The following MAEL variants were observed in gnomAD, a reference collection of about 807,000 sequenced individuals.
The protein encoded by MAEL is protein maelstrom homolog.
Under a neutral mutation model 62.0 loss-of-function variants are expected in MAEL, and 46 were observed. The ratio of observed to expected loss-of-function variants is 0.74; its 90% CI spans 0.59 to 0.95. The LOEUF is 0.95. Ranked by LOEUF, MAEL falls within the 40% of genes least tolerant of loss-of-function variation. The pLI is 0.00. For synonymous variants in MAEL, 172 were observed against 175.5 expected, an observed-to-expected ratio of 0.98 and a Z score of 0.16; for missense variants, 497 against 526.8, an observed-to-expected ratio of 0.94 and a Z score of 0.55.
Position 167,017,909 on chromosome 1 carries a change from A to G in MAEL, c.991A>G (p.Ser331Gly), listed in dbSNP as rs1353876396. Residue 331 changes from serine (S) to glycine (G), a missense_variant, in exon 10 of 12, where the codon AGC becomes GGC. Transcript: ENST00000367872. The stretch of plus-strand genomic sequence containing the variant: ...TGTACCACTACAAGATTATGAGGCC[A>G]GCAATAGTGTGACACCCAAAATGGT... ...AHVPLQDYEASNSVTPKMVVL... is the reference protein window; with the variant it reads ...AHVPLQDYEAGNSVTPKMVVL... The G allele has an allele frequency of 9.3e-6, 15 of 1,613,480 alleles. No individual in the cohort carries two copies. The highest frequency in any genetic ancestry group is 1.3e-5 in the Non-Finnish European group (15 of 1,179,610).
chr1:166,999,709 A>G (rs1212603485), intron 5 of MAEL, among the ~76,000 whole-genome samples: 1 of 152,236 alleles, frequency 6.6e-6, no homozygotes, highest in African/African-American at 2.4e-5. Context: ...GGAGTTTCAT[A>G]GCTAGAGAGG....
intron 11 of MAEL, 27 bp downstream of exon 11, chr1:167,021,187 G>C: frequency 6.6e-7 from 1 of 1,504,936 alleles, no homozygotes; most frequent in African/African-American, 1.4e-5. Flanking sequence ...TTACAAAAAT[G>C]CACCTAAAGG....
upstream of MAEL, among the ~76,000 whole-genome samples, chr1:166,985,563 T>C (rs751774979): frequency 2.0e-5 from 3 of 152,214 alleles, no homozygotes; most frequent in Non-Finnish European, 4.4e-5. Context: ...AAAGATGTTA[T>C]ATCAGTAGAG....
At chr1:167,013,232 A>T (rs1665243289) in intron 8 of MAEL, among the ~76,000 whole-genome samples, 1 of 152,172 alleles carries the variant, frequency 6.6e-6, no homozygotes, top group Admixed American at 6.5e-5. Flanking sequence ...GGCACTGAAG[A>T]TACAGTACAG....
intron 9 of MAEL, among the ~76,000 whole-genome samples, chr1:167,016,561 A>G (rs1665396230): frequency 6.6e-6 from 1 of 152,170 alleles, no homozygotes; most frequent in African/African-American, 2.4e-5. Flanking sequence ...TATAACCACT[A>G]TGGGGAACAG....
chr1:166,981,675 A>G (rs940979890), intron 1 of MAEL, among the ~76,000 whole-genome samples: 1 of 152,230 alleles, frequency 6.6e-6, no homozygotes, highest in Admixed American at 6.5e-5. Flanking sequence ...TCATCTGGAC[A>G]GAATTTCTAG....
At chr1:166,982,084 G>A (rs1557967700) in intron 1 of MAEL, among the ~76,000 whole-genome samples, 1 of 152,094 alleles carries the variant, frequency 6.6e-6, no homozygotes. Flanking sequence ...GACATTGCAA[G>A]GAGTCACAAG....
At chr1:166,992,939 T>C (rs149447579) in intron 4 of MAEL, 98 bp downstream of exon 4, 14 of 965,602 alleles carry the variant, frequency 1.4e-5, no homozygotes, top group East Asian at 2.8e-5. Context: ...TACAAGCTCA[T>C]GTACAGCTGT....
At chr1:166,987,749 T>C (rs1324948914), upstream of MAEL, among the ~76,000 whole-genome samples, 1 of 152,218 alleles carries the variant, frequency 6.6e-6, no homozygotes, top group African/African-American at 2.4e-5. Flanking sequence ...ACAAAAGATA[T>C]TGAAATGGTA....
At chr1:166,982,271 G>A (rs538837951) in intron 1 of MAEL, among the ~76,000 whole-genome samples, 1 of 152,304 alleles carries the variant, frequency 6.6e-6, no homozygotes, top group African/African-American at 2.4e-5. Context: ...AGATTGGAAT[G>A]AGTGTTAACT....
At chr1:166,997,526 T>C (rs1012102074) in intron 5 of MAEL, among the ~76,000 whole-genome samples, 1 of 152,150 alleles carries the variant, frequency 6.6e-6, no homozygotes, top group Non-Finnish European at 1.5e-5. Context: ...GAACAGACTT[T>C]TTAAACATTT....
At chr1:167,007,743 A>G (rs1664990511) in intron 8 of MAEL, among the ~76,000 whole-genome samples, 1 of 152,078 alleles carries the variant, frequency 6.6e-6, no homozygotes, top group African/African-American at 2.4e-5. Context: ...TTTTTAAAAA[A>G]TTTCCTTTCT....
chr1:166,980,327 A>G (rs1469327866), intron 1 of MAEL, among the ~76,000 whole-genome samples: 1 of 152,156 alleles, frequency 6.6e-6, no homozygotes, highest in Non-Finnish European at 1.5e-5. Flanking sequence ...TGCCCAGCCT[A>G]TAATTTTCTA....
chr1:167,010,710 A>C (rs1232174291), intron 8 of MAEL, among the ~76,000 whole-genome samples: 1 of 151,976 alleles, frequency 6.6e-6, no homozygotes, highest in African/African-American at 2.4e-5. Flanking sequence ...AGCCTTCCAA[A>C]TTGCTGGGAT....
At chr1:166,986,625 G>C (rs1216344630), upstream of MAEL, among the ~76,000 whole-genome samples, 1 of 152,110 alleles carries the variant, frequency 6.6e-6, no homozygotes. Context: ...CAGTGGAAGA[G>C]AAAGTACAGC....
upstream of MAEL, among the ~76,000 whole-genome samples, chr1:166,988,913 C>T (rs1238545739): frequency 1.3e-5 from 2 of 152,222 alleles, no homozygotes; most frequent in East Asian, 1.9e-4. Context: ...TTGTCATGTT[C>T]CTCATACATG....
intron 2 of MAEL, chr1:166,990,068 G>A (rs1332496550): frequency 2.2e-6 from 1 of 457,406 alleles, no homozygotes; most frequent in African/African-American, 2.0e-5. Context: ...GGGAATTCCT[G>A]TTAGGAAACC....
Position 167,017,913 on chromosome 1 carries a change from A to G in MAEL, c.995A>G (p.Asn332Ser), listed in dbSNP as rs1665462468. Residue 332 changes from asparagine (N) to serine (S), a missense_variant, in exon 10 of 12, where the codon AAT becomes AGT. Asn to Ser is a conservative substitution (Grantham distance 46, BLOSUM62 1). Transcript: ENST00000367872. ...HVPLQDYEAS[N>S]SVTPKMVVLD... ...CCACTACAAGATTATGAGGCCAGCA[A>G]TAGTGTGACACCCAAAATGGTTGTA... 3 of 1,613,436 alleles carry G rather than the reference A, an allele frequency of 1.9e-6. No individual in the cohort carries two copies. Among genetic ancestry groups the G allele is most frequent in the Non-Finnish European group, 2.5e-6 (3 of 1,179,590 alleles).
At chr1:167,005,580 C>T in intron 8 of MAEL, 183 bp downstream of exon 8, 1 of 485,188 alleles carries the variant, frequency 2.1e-6, no homozygotes, top group Non-Finnish European at 3.6e-6. Flanking sequence ...TCACTAAAAA[C>T]AAACCTGCCA....
Sources: gnomAD v4.1 joint callset for allele counts (sites outside exome capture counted in the v4.1 genomes callset) on GRCh38, gnomAD v4.1.1 for gene constraint, MANE v1.5 for transcripts, NCBI Gene and HGNC (gene_info 2026-07-23, HGNC 2026-07-21) for gene names.